The following DMTN variants were observed in gnomAD, a reference collection of about 807,000 sequenced individuals.
DMTN encodes dematin.
A neutral mutation model predicts 59.4 loss-of-function variants in DMTN; 27 were observed. The ratio of observed to expected loss-of-function variants is 0.45; its 90% confidence interval spans 0.33 to 0.63. The LOEUF (loss-of-function observed/expected upper bound fraction) is 0.63. DMTN is among the 20% of genes least tolerant of loss of function. The pLI is 0.02. For missense variants in DMTN, 451 were observed against 528.9 expected, an observed-to-expected ratio of 0.85 and a Z score of 1.45; for synonymous variants, 221 against 203.7, an observed-to-expected ratio of 1.08 and a Z score of -0.72.
upstream of DMTN, among the ~76,000 whole-genome samples, chr8:22,054,506 G>A (rs926891679): frequency 2.6e-5 from 4 of 152,074 alleles, no homozygotes; most frequent in South Asian, 2.1e-4. Flanking sequence ...GAACCCTGCC[G>A]GAGCAACCCC....
At chr8:22,074,423 G>A (rs529691610) in intron 10 of DMTN, among the ~76,000 whole-genome samples, 2 of 152,286 alleles carry the variant, frequency 1.3e-5, no homozygotes, top group Admixed American at 6.5e-5. Flanking sequence ...AAAGGTGTGC[G>A]TCACCATGCC....
In DMTN at chr8:22,082,441, C is replaced by G. The variant is rs1462891549; in HGVS notation, c.*978C>G. On this transcript the variant is annotated 3_prime_UTR_variant, in exon 16 of 16. Transcript: ENST00000358242. The stretch of plus-strand genomic sequence containing the variant: ...GGTCTGGGTATTGCTCCTGCCCAGA[C>G]CCTGACATCCCTTTCCACTGTGTGT... The G allele has an allele frequency of 1.2e-5, 4 of 344,516 alleles. No individual in the cohort carries two copies. The Admixed American group carries it at 1.5e-4, about 13-fold the overall frequency. The allele number at this position is 344,516 out of a possible 1,614,324, so 21.3% of individuals were successfully genotyped here. A position where few individuals can be genotyped will look rare whatever the true frequency, so the allele number is the denominator to read the frequency against.
Position 22,067,166 on chromosome 8 carries a change from A to G in DMTN, c.93+7A>G, listed in dbSNP as rs539700446. The G allele has an allele frequency of 3.7e-6, 6 of 1,608,562 alleles. No homozygotes were observed. The South Asian group carries it at 5.5e-5, about 15-fold the overall frequency. On this transcript the variant is annotated splice_region_variant and intron_variant, in intron 3 of 15. Coordinates refer to ENST00000358242, the MANE Select transcript of DMTN (RefSeq NM_001387751.1). Reference sequence around the variant, plus strand: ...CTCTCCCTCCAGCATCGTGGTGAGTACCCCTCTCGGCCACCAGCAACCCCT... The same window carrying G: ...CTCTCCCTCCAGCATCGTGGTGAGTGCCCCTCTCGGCCACCAGCAACCCCT...
In DMTN at chr8:22,082,102, C is replaced by T. The variant is rs763983163; in HGVS notation, c.*639C>T. 2.8e-5 allele frequency: 13 copies of T among 456,556 alleles called. No homozygotes were observed. Among genetic ancestry groups the T allele is most frequent in the Admixed American group, 7.0e-5 (3 of 42,586 alleles). 28.3% of individuals were successfully genotyped at this position (456,556 alleles called of 1,614,324 possible). ...TTAGGGTGGAGATGCCGCCTACACA[C>T]GATCCTGGCCCTCCACCTGCCTCCA... On this transcript the variant is annotated 3_prime_UTR_variant, in exon 16 of 16. Coordinates refer to ENST00000358242, the MANE Select transcript of DMTN (RefSeq NM_001387751.1).
intron 1 of DMTN, among the ~76,000 whole-genome samples, chr8:22,063,571 C>G (rs944275974): frequency 1.3e-5 from 2 of 152,120 alleles, no homozygotes; most frequent in African/African-American, 4.8e-5. Context: ...GTCCCAAATG[C>G]ATCTCAACCT....
chr8:22,049,701 C>T (rs1193505693), upstream of DMTN, among the ~76,000 whole-genome samples: 1 of 151,994 alleles, frequency 6.6e-6, no homozygotes, highest in African/African-American at 2.4e-5. Flanking sequence ...GAGGATGTCC[C>T]CCAGCCTCAG....
At chr8:22,064,370 C>T (rs1808831791) in intron 1 of DMTN, among the ~76,000 whole-genome samples, 3 of 152,198 alleles carry the variant, frequency 2.0e-5, no homozygotes, top group African/African-American at 7.2e-5. Context: ...AAAAGCATTA[C>T]AAAGCAAGTA....
chr8:22,067,031 C>T, intron 2 of DMTN, 54 bp from the exon 3 acceptor site: 2 of 1,505,704 alleles, frequency 1.3e-6, no homozygotes, highest in Non-Finnish European at 1.8e-6. Context: ...CCGCCCCCGC[C>T]CCGCTCCCGC....
chr8:22,061,949 G>A (rs1806878721), intron 1 of DMTN, among the ~76,000 whole-genome samples: 1 of 151,026 alleles, frequency 6.6e-6, no homozygotes, highest in Non-Finnish European at 1.5e-5. Context: ...GTAAAGACAG[G>A]GCTCACTATA....
intron 10 of DMTN, among the ~76,000 whole-genome samples, chr8:22,075,666 A>C (rs900171577): frequency 6.6e-6 from 1 of 151,954 alleles, no homozygotes; most frequent in Non-Finnish European, 1.5e-5. Context: ...CTACAGGCAC[A>C]CACCACCATG....
At chr8:22,054,785 C>T (rs1585579826), upstream of DMTN, 1 of 152,366 alleles carries the variant, frequency 6.6e-6, no homozygotes, top group African/African-American at 2.4e-5. Flanking sequence ...AGCCCCAGCA[C>T]TGAGGACCCA....
chr8:22,060,204 C>T lies in DMTN; in HGVS notation c.-172+3068C>T, dbSNP rs114136198. Among the ~76,000 whole-genome samples, 1,683 of 152,146 alleles carry T rather than the reference C, an allele frequency of 0.011. 11 individuals carry two copies. Among genetic ancestry groups the T allele is most frequent in the Middle Eastern group, 0.014 (4 of 294 alleles). ...CTCGCCCTTTCTATCTCTTTGTGCA[C>T]GGAGGTCGCTGGGACCTTGGGGATG... is the stretch of plus-strand genomic sequence containing the variant. On this transcript the variant is annotated intron_variant, in intron 1 of 15. Coordinates refer to ENST00000358242, the MANE Select transcript of DMTN (RefSeq NM_001387751.1). The surrounding 1 kb of genome is among the most constrained non-coding windows in gnomAD (Gnocchi z 5.0).
chr8:22,070,008 G>T, intron 7 of DMTN, 71 bp downstream of exon 7: 2 of 1,600,188 alleles, frequency 1.2e-6, no homozygotes, highest in Non-Finnish European at 1.7e-6. Flanking sequence ...TGGGGCTGCG[G>T]GCTGGCTGGA....
chr8:22,054,628 A>T (rs1192851482), upstream of DMTN: 1 of 152,302 alleles, frequency 6.6e-6, no homozygotes, highest in Non-Finnish European at 1.5e-5. Context: ...ACTCTTCAAG[A>T]CTGGCCTGCT....
Position 22,066,900 on chromosome 8 carries a change from G to A in DMTN, c.18+7G>A. The A allele has an allele frequency of 1.6e-6, 2 of 1,270,170 alleles. No homozygotes were observed. Among genetic ancestry groups the A allele is most frequent in the South Asian group, 2.7e-5 (1 of 37,132 alleles). The allele number at this position is 1,270,170 out of a possible 1,614,324, so 78.7% of individuals were successfully genotyped here. On this transcript the variant is annotated splice_region_variant and intron_variant, in intron 2 of 15. Coordinates refer to ENST00000358242, the MANE Select transcript of DMTN (RefSeq NM_001387751.1). ...CATGGAACGGCTGCAGAAGGTGCGCGGCGCCGCCCCGGGCCGGGGCCGCCG... is the reference window on the plus strand; with the variant it reads ...CATGGAACGGCTGCAGAAGGTGCGCAGCGCCGCCCCGGGCCGGGGCCGCCG...
chr8:22,077,425 C>A (rs1240686424), intron 10 of DMTN, among the ~76,000 whole-genome samples: 1 of 152,082 alleles, frequency 6.6e-6, no homozygotes, highest in African/African-American at 2.4e-5. Context: ...CTGGGGAATT[C>A]AAGGTTAACA....
chr8:22,081,365 G>A lies in DMTN; in HGVS notation c.1120G>A (p.Glu374Lys), dbSNP rs200326055. 37 of 1,613,914 alleles carry A rather than the reference G, an allele frequency of 2.3e-5. No individual in the cohort carries two copies. The highest frequency in any genetic ancestry group is 2.6e-5 in the Non-Finnish European group (31 of 1,179,976). ...RMRLERHLSA[E>K]DFSRVFAMSP... is the part of the protein sequence containing the mutation. Reference sequence around the variant, plus strand: ...CCCCATGTAGAGGCATCTGTCTGCCGAGGACTTCTCAAGGGTATTTGCCAT... The same window carrying A: ...CCCCATGTAGAGGCATCTGTCTGCCAAGGACTTCTCAAGGGTATTTGCCAT... Residue 374 changes from glutamate (E) to lysine (K), a missense_variant, in exon 16 of 16, where the codon GAG (glutamate) becomes AAG (lysine). Transcript: ENST00000358242.
chr8:22,076,441 T>TA (rs1819840983), intron 10 of DMTN, among the ~76,000 whole-genome samples: 1 of 151,934 alleles, frequency 6.6e-6, no homozygotes, highest in African/African-American at 2.4e-5. Flanking sequence ...ACTGTCTCTA[T>TA]AAAAAATAGA....
chr8:22,071,001 A>G (rs1814933702), intron 8 of DMTN, among the ~76,000 whole-genome samples: 1 of 152,234 alleles, frequency 6.6e-6, no homozygotes, highest in African/African-American at 2.4e-5. Context: ...AATTTCAGTC[A>G]TGAGTGTGTG....
Sources: allele counts gnomAD v4.1 joint callset (sites outside exome capture counted in the v4.1 genomes callset), GRCh38; gene constraint gnomAD v4.1.1; non-coding constraint Gnocchi (gnomAD v3.1); transcripts MANE v1.5; gene names NCBI Gene and HGNC (gene_info 2026-07-23, HGNC 2026-07-21).